The following TAF6L variants were observed in gnomAD, a reference collection of about 807,000 sequenced individuals.
The protein encoded by TAF6L is TAF6-like RNA polymerase II p300/CBP-associated factor-associated factor 65 kDa subunit 6L.
In TAF6L, 34 loss-of-function variants were observed where a neutral mutation model predicts 57.3. The ratio of observed to expected loss-of-function variants is 0.59; its 90% CI spans 0.45 to 0.79. The LOEUF (loss-of-function observed/expected upper bound fraction) is 0.79, where lower values mean the gene tolerates loss of function less well. TAF6L is among the 30% of genes least tolerant of loss of function. TAF6L has a pLI of 0.00. For missense variants in TAF6L, 782 were observed against 853.2 expected (o/e 0.92, Z 1.04); for synonymous variants, 417 against 376.3 (o/e 1.11, Z -1.25).
Position 62,778,340 on chromosome 11 carries a change from G to T in TAF6L, c.436+5G>T. 6.2e-7 allele frequency: 1 copy of T among 1,614,190 alleles called. No homozygotes were observed. Among genetic ancestry groups the T allele is most frequent in the Non-Finnish European group, 8.5e-7 (1 of 1,180,024 alleles). Reference sequence around the variant, plus strand: ...ACCTGGCACCTCAAGGATCGGGTAAGGGGTGATGTAGGAAACAGGCTCTTT... The same window carrying T: ...ACCTGGCACCTCAAGGATCGGGTAATGGGTGATGTAGGAAACAGGCTCTTT... On this transcript the variant is annotated splice_donor_5th_base_variant and intron_variant, in intron 5 of 10. Coordinates refer to ENST00000294168, the MANE Select transcript of TAF6L (RefSeq NM_006473.4).
chr11:62,778,602 A>G (rs1437147642), intron 5 of TAF6L: 3 of 615,346 alleles, frequency 4.9e-6, no homozygotes, highest in Non-Finnish European at 8.6e-6. Context: ...CCCCCAGGGT[A>G]TGCTGAGCAG....
At chr11:62,779,623 G>A (rs1438245246) in intron 6 of TAF6L, among the ~76,000 whole-genome samples, 2 of 148,600 alleles carry the variant, frequency 1.3e-5, no homozygotes, top group Non-Finnish European at 3.0e-5. Flanking sequence ...ACTGTGCCCG[G>A]CCTAATTCTA....
In TAF6L at chr11:62,787,273, T is replaced by G. The variant is rs767026164; in HGVS notation, c.1846T>G (p.Tyr616Asp). Residue 616 changes from tyrosine to aspartate, a missense_variant, in exon 11 of 11, where the codon TAC becomes GAC. Coordinates refer to ENST00000294168, the MANE Select transcript of TAF6L (RefSeq NM_006473.4). ...CGCCCGCCGGTGGGCGCTCTCGGACTACTCGCTGTACTTGCCGCTCTGAGT... is the reference window on the plus strand; with the variant it reads ...CGCCCGCCGGTGGGCGCTCTCGGACGACTCGCTGTACTTGCCGCTCTGAGT... ...RPARRWALSD[Y>D]SLYLPL 1 of 1,551,936 alleles carries G rather than the reference T, an allele frequency of 6.4e-7. No homozygotes were observed. Among genetic ancestry groups the G allele is most frequent in the Non-Finnish European group, 8.6e-7 (1 of 1,157,774 alleles).
At chr11:62,779,077 A>G (rs2084208487) in intron 6 of TAF6L, 114 bp downstream of exon 6, 4 of 851,332 alleles carry the variant, frequency 4.7e-6, no homozygotes, top group Non-Finnish European at 3.7e-6. Flanking sequence ...CTGGAGTGCA[A>G]TGGCATGATC....
In TAF6L at chr11:62,776,598, C is replaced by G. The variant is rs2084189998; in HGVS notation, c.234+128C>G. On this transcript the variant is annotated intron_variant, in intron 3 of 10. Transcript: ENST00000294168. ...GGGCATGGTGGCTCATGCCTGTAAT[C>G]CCAGCACTTTGGGAGGCCGAGGTGG... 5.5e-6 allele frequency: 5 copies of G among 909,672 alleles called. No individual in the cohort carries two copies. In the Admixed American group the frequency reaches 1.1e-4, roughly 20 times the overall value. 56.4% of individuals were successfully genotyped at this position (909,672 alleles called of 1,614,324 possible).
chr11:62,774,716 A>G, intron 1 of TAF6L: 1 of 453,586 alleles, frequency 2.2e-6, no homozygotes, highest in Admixed American at 2.4e-5. Context: ...AAACTGGGGA[A>G]GACCAAACAC....
In TAF6L at chr11:62,787,099, C is replaced by T; in HGVS notation, c.1672C>T (p.Pro558Ser). ...QKSRFAPRGAPHFRFIIAGRQ... is the reference protein window; with the variant it reads ...QKSRFAPRGASHFRFIIAGRQ... ...GAGCCGTTTCGCCCCGCGCGGCGCC[C>T]CGCACTTTCGTTTCATCATAGCCGG... Residue 558 changes from proline to serine, a missense_variant, in exon 11 of 11, where the codon CCG becomes TCG. Physicochemically the swap from Pro to Ser is moderately conservative, Grantham distance 74. Around this residue, in one of 3 missense-constraint regions of TAF6L, gnomAD observed 483 missense variants for 445.1 expected, o/e 1.09. Transcript: ENST00000294168. 2 of 1,544,256 alleles carry T rather than the reference C, an allele frequency of 1.3e-6. No individual in the cohort carries two copies. Among genetic ancestry groups the T allele is most frequent in the Non-Finnish European group, 1.7e-6 (2 of 1,152,766 alleles).
At position 62,786,674 on chromosome 11, in the gene TAF6L, G is replaced by C. The variant is rs201478157; in HGVS notation, c.1247G>C (p.Gly416Ala). The change falls in exon 11 of 11, where the codon GGG becomes GCG. Residue 416 changes from glycine (G) to alanine (A), a missense_variant. Physicochemically the swap from Gly to Ala is moderately conservative, Grantham distance 60. Coordinates refer to ENST00000294168, the MANE Select transcript of TAF6L (RefSeq NM_006473.4). ...GGGGGCGGTGCAGAACCCAGCTTTG[G>C]GTCCGGCCTCCCGCTGCCGCCAGGG... Reference protein sequence around the residue: ...SSGGGAEPSFGSGLPLPPGGA... With the variant: ...SSGGGAEPSFASGLPLPPGGA... 1 of 1,611,990 alleles carries C rather than the reference G, an allele frequency of 6.2e-7. No individual in the cohort carries two copies. The highest frequency in any genetic ancestry group is 2.2e-5 in the East Asian group (1 of 44,856).
intron 7 of TAF6L, 51 bp from the exon 8 acceptor site, chr11:62,782,062 G>A (rs577691534): frequency 6.3e-7 from 1 of 1,588,702 alleles, no homozygotes; most frequent in East Asian, 2.2e-5. Flanking sequence ...AGAATGGTGG[G>A]CTCCTGCCTG....
Position 62,771,924 on chromosome 11 carries a change from G to A in TAF6L, c.-14+434G>A, listed in dbSNP as rs373571326. The A allele has an allele frequency of 1.0e-3, 356 of 354,974 alleles. 4 individuals carry two copies. The Middle Eastern group carries it at 0.014, about 14-fold the overall frequency. 22.0% of individuals were successfully genotyped at this position (354,974 alleles called of 1,614,324 possible). A position where few individuals can be genotyped will look rare whatever the true frequency, so the allele number is the denominator to read the frequency against. On this transcript the variant is annotated intron_variant, in intron 1 of 10. Transcript: ENST00000294168. ...ACAACGATCTATTGGCGGGTCTAGG[G>A]TCACCAAGGGGTGGGTCTCCAATCC... is the stretch of plus-strand genomic sequence containing the variant.
At chr11:62,774,928 G>A (rs1179783148) in intron 1 of TAF6L, among the ~76,000 whole-genome samples, 1 of 151,522 alleles carries the variant, frequency 6.6e-6, no homozygotes, top group African/African-American at 2.4e-5. Flanking sequence ...ATCCGGGCGT[G>A]GTGGCAGGTA....
intron 1 of TAF6L, chr11:62,772,039 G>A: frequency 2.2e-6 from 1 of 454,804 alleles, no homozygotes; most frequent in East Asian, 7.0e-5. Flanking sequence ...GCAAGGGGTT[G>A]AGTCCTTGCT....
At chr11:62,775,286 T>G (rs372516586) in intron 1 of TAF6L, among the ~76,000 whole-genome samples, 31 of 152,112 alleles carry the variant, frequency 2.0e-4, no homozygotes, top group Admixed American at 3.3e-4. Flanking sequence ...GAGAACAGCA[T>G]GGGGGAAAAT....
Position 62,787,028 on chromosome 11 carries a change from CCCGGCAGCAGGGCCCCGGGA to C in TAF6L, c.1608_1627del (p.Gln536HisfsTer47). ...CGCGTGCATCGGGCGCGCGGGGCACCCCGGCAGCAGGGCCCCGGGACCGGCACCCGCGACGTTTTCCAGAA... is the reference window on the plus strand; with the variant it reads ...CGCGTGCATCGGGCGCGCGGGGCACCCCGGCACCCGCGACGTTTTCCAGAA... On this transcript the variant is annotated frameshift_variant, in exon 11 of 11. Transcript: ENST00000294168. LOFTEE classifies it high-confidence loss of function. The C allele has an allele frequency of 6.6e-7, 1 of 1,504,534 alleles. No homozygotes were observed. Among genetic ancestry groups the C allele is most frequent in the East Asian group, 2.7e-5 (1 of 36,542 alleles). 93.2% of individuals were successfully genotyped at this position (1,504,534 alleles called of 1,614,324 possible).
At chr11:62,785,558 G>A (rs1174423842) in intron 9 of TAF6L, among the ~76,000 whole-genome samples, 2 of 140,092 alleles carry the variant, frequency 1.4e-5, no homozygotes, top group African/African-American at 2.7e-5. Flanking sequence ...TTTTTGAGAC[G>A]GAGTCTCACT....
chr11:62,775,820 C>T lies in TAF6L; in HGVS notation c.37C>T (p.Pro13Ser). ...AGAAGAGCGGCGGTTTGTGGAGATCCCTCGGGAGTCTGTCCGGCTCATGGC... is the reference window on the plus strand; with the variant it reads ...AGAAGAGCGGCGGTTTGTGGAGATCTCTCGGGAGTCTGTCCGGCTCATGGC... ...EREERRFVEIPRESVRLMAES... is the reference protein window; with the variant it reads ...EREERRFVEISRESVRLMAES... Residue 13 changes from proline (P) to serine (S), a missense_variant, in exon 2 of 11, where the codon CCT (proline) becomes TCT (serine). Physicochemically the swap from Pro to Ser is moderately conservative, Grantham distance 74. Around this residue, in one of 3 missense-constraint regions of TAF6L, gnomAD observed 220 missense variants for 252.1 expected, o/e 0.87. Transcript: ENST00000294168. The T allele has an allele frequency of 6.2e-7, 1 of 1,612,040 alleles. No homozygotes were observed. The highest frequency in any genetic ancestry group is 8.5e-7 in the Non-Finnish European group (1 of 1,179,744).
chr11:62,776,850 GAAA>G (rs71056563), intron 3 of TAF6L, among the ~76,000 whole-genome samples: 2 of 68,204 alleles, frequency 2.9e-5, no homozygotes, highest in East Asian at 9.8e-4. Context: ...CTCAAAAAAA[GAAA>G]AAAAAAAAAA....
intron 1 of TAF6L, among the ~76,000 whole-genome samples, chr11:62,775,274 A>G (rs2084178460): frequency 6.6e-6 from 1 of 152,172 alleles, no homozygotes; most frequent in African/African-American, 2.4e-5. Flanking sequence ...ACTCACTATC[A>G]GGAGAACAGC....
rs370713186 is a variant in TAF6L, at chr11:62,782,804, G to A, written c.939G>A (p.Gly313=). The A allele has an allele frequency of 9.9e-6, 16 of 1,613,828 alleles. No individual in the cohort carries two copies. Among genetic ancestry groups the A allele is most frequent in the African/African-American group, 1.3e-5 (1 of 74,916 alleles). The change falls in exon 9 of 11, where the codon GGG becomes GGA. Residue 313 remains glycine, a synonymous_variant. Coordinates refer to ENST00000294168, the MANE Select transcript of TAF6L (RefSeq NM_006473.4). ...PLCCHYGAVV[G]LHALGWKAVE... is the part of the protein sequence containing the mutation. ...GCTGCCACTATGGAGCCGTGGTGGGGCTGCATGCTCTTGGCTGGAAGGTGA... is the reference window on the plus strand; with the variant it reads ...GCTGCCACTATGGAGCCGTGGTGGGACTGCATGCTCTTGGCTGGAAGGTGA...
Sources: gnomAD v4.1 joint callset for allele counts (sites outside exome capture counted in the v4.1 genomes callset) on GRCh38, gnomAD v4.1.1 for gene constraint, gnomAD v4.1.1 regional missense constraint, MANE v1.5 for transcripts, NCBI Gene and HGNC (gene_info 2026-07-23, HGNC 2026-07-21) for gene names.